Variants in PTK2 observed in about 807,000 individuals in gnomAD.
The protein encoded by PTK2 is focal adhesion kinase 1.
Under a neutral mutation model 150.1 loss-of-function variants are expected in PTK2, and 45 were observed. The observed-to-expected ratio is 0.30, with a 90% confidence interval of 0.24 to 0.38. PTK2 has a LOEUF of 0.38. Among genes scored for constraint, PTK2 ranks in the 10% least tolerant of loss-of-function variants. The pLI is 1.00. For synonymous variants in PTK2, 432 were observed against 449.2 expected, an observed-to-expected ratio of 0.96 and a Z score of 0.48; for missense variants, 919 against 1,307.3, an observed-to-expected ratio of 0.70 and a Z score of 4.58.
intron 1 of PTK2, among the ~76,000 whole-genome samples, chr8:140,946,166 CA>C: frequency 6.6e-6 from 1 of 152,096 alleles, no homozygotes. Context: ...GCCCTACTTA[CA>C]GAGCTGTCAG....
chr8:140,945,957 T>C (rs2100177556), intron 1 of PTK2, among the ~76,000 whole-genome samples: 2 of 152,214 alleles, frequency 1.3e-5, no homozygotes, highest in Admixed American at 1.3e-4. Context: ...CAGTATTTTC[T>C]ACTCACCTGT....
intron 10 of PTK2, among the ~76,000 whole-genome samples, chr8:140,809,511 C>T (rs968527663): frequency 3.3e-5 from 5 of 152,062 alleles, no homozygotes; most frequent in Admixed American, 6.6e-5. Flanking sequence ...GTGGATAGAT[C>T]GATTACTATT....
Position 140,692,519 on chromosome 8 carries a change from A to C in PTK2, c.2500-5825T>G, listed in dbSNP as rs373925311. On this transcript the variant is annotated intron_variant, in intron 26 of 31. Coordinates refer to ENST00000522684, the Ensembl canonical transcript of PTK2. Reference sequence around the variant, plus strand: ...GCAGTCCCAGCTAGTCGGGAGGCTGAAGCAGGAGAATCGCTTAAACCCGGG... The same window carrying C: ...GCAGTCCCAGCTAGTCGGGAGGCTGCAGCAGGAGAATCGCTTAAACCCGGG... Among the ~76,000 whole-genome samples, 39 of 152,326 alleles carry C rather than the reference A, an allele frequency of 2.6e-4. 1 individual carries two copies. The highest frequency in any genetic ancestry group is 9.1e-4 in the African/African-American group (38 of 41,578).
chr8:140,877,128 G>A (rs1355530807), intron 4 of PTK2, among the ~76,000 whole-genome samples: 1 of 144,614 alleles, frequency 6.9e-6, no homozygotes, highest in Non-Finnish European at 1.5e-5. Flanking sequence ...CGCCTCCCAG[G>A]TTCAAGCAAT....
Position 140,739,009 on chromosome 8 carries a change from A to G in PTK2, c.1825+9T>C, listed in dbSNP as rs1186515851. 4.7e-6 allele frequency: 7 copies of G among 1,500,012 alleles called. No homozygotes were observed. The highest frequency in any genetic ancestry group is 6.3e-6 in the Non-Finnish European group (7 of 1,116,502). The allele number at this position is 1,500,012 out of a possible 1,614,324, so 92.9% of individuals were successfully genotyped here. On this transcript the variant is annotated intron_variant, in intron 21 of 31. Transcript: ENST00000522684. ...TTTTAAAGAATACAAAACTTTTAAG[A>G]GTACTCACCAAACATCCATACGTCA...
chr8:140,993,179 G>C (rs1039375537), intron 1 of PTK2, among the ~76,000 whole-genome samples: 20 of 152,194 alleles, frequency 1.3e-4, no homozygotes, highest in Admixed American at 2.0e-4. Context: ...TTTAAATACA[G>C]TAGACAAAGG....
rs545127160 is a variant in PTK2 at position 140,953,202 on chromosome 8, T to G, written c.-121-27453A>C. 9.8e-5 allele frequency among the ~76,000 whole-genome samples: 15 copies of G among 152,286 alleles called. No individual in the cohort carries two copies. In the South Asian group the frequency reaches 2.9e-3, roughly 29 times the overall value. ...GGGATATGCTCCTAGTCCCCCCCAG[T>G]AGATGCCTGAAACTAGGGACAGTAC... On this transcript the variant is annotated intron_variant, in intron 1 of 31. Coordinates refer to ENST00000522684, the Ensembl canonical transcript of PTK2.
chr8:141,001,679 T>C (rs2100200301), upstream of PTK2, among the ~76,000 whole-genome samples: 3 of 151,986 alleles, frequency 2.0e-5, no homozygotes, highest in African/African-American at 7.3e-5. Flanking sequence ...AGGGGTCCCC[T>C]CTGGAGAACC....
At chr8:140,696,839 G>A (rs768556369) in intron 26 of PTK2, among the ~76,000 whole-genome samples, 17 of 152,094 alleles carry the variant, frequency 1.1e-4, no homozygotes, top group Non-Finnish European at 1.9e-4. Flanking sequence ...GGAAAGACAT[G>A]GTCCATGGTC....
intron 16 of PTK2, among the ~76,000 whole-genome samples, chr8:140,756,544 A>G (rs950524750): frequency 4.0e-5 from 6 of 148,948 alleles, no homozygotes; most frequent in African/African-American, 1.5e-4. Flanking sequence ...CTAAAAATAC[A>G]AAATTAGCCG....
chr8:140,763,588 C>T (rs2100070548), intron 15 of PTK2, among the ~76,000 whole-genome samples: 1 of 151,882 alleles, frequency 6.6e-6, no homozygotes, highest in Admixed American at 6.6e-5. Context: ...CAACATGAGA[C>T]CTGGGGCTTC....
chr8:140,793,414 G>C, intron 12 of PTK2, 30 bp from the exon 13 acceptor site: 5 of 1,604,468 alleles, frequency 3.1e-6, no homozygotes, highest in Non-Finnish European at 4.2e-6. Flanking sequence ...AGATGCATAA[G>C]GCTCTTTTCA....
chr8:140,704,030 A>C (rs1454946837), intron 24 of PTK2, among the ~76,000 whole-genome samples: 1 of 152,236 alleles, frequency 6.6e-6, no homozygotes, highest in Admixed American at 6.5e-5. Context: ...ATCTTCAAGT[A>C]AGACATATAG....
exon 19 of PTK2, chr8:140,744,745 C>T (rs2100057703): frequency 6.3e-7 from 1 of 1,591,378 alleles, no homozygotes; most frequent in Non-Finnish European, 8.6e-7. Context: ...ACTGTATTTC[C>T]TTACTTGCAA....
intron 1 of PTK2, among the ~76,000 whole-genome samples, chr8:141,000,365 G>C (rs529441802): frequency 1.6e-4 from 25 of 152,332 alleles, no homozygotes; most frequent in African/African-American, 6.0e-4. Context: ...GGCGGGCTTG[G>C]GGCTCGGGCA....
intron 8 of PTK2, among the ~76,000 whole-genome samples, chr8:140,827,992 C>T (rs1416819468): frequency 1.3e-5 from 2 of 152,018 alleles, no homozygotes; most frequent in African/African-American, 4.8e-5. Context: ...CACAGTGAAA[C>T]CCCATCTCTA....
At chr8:140,846,575 C>T (rs897144788) in intron 6 of PTK2, 24 bp downstream of exon 6, 87 of 1,527,366 alleles carry the variant, frequency 5.7e-5, no homozygotes, top group Non-Finnish European at 7.4e-5. Flanking sequence ...AAATAAAGGC[C>T]GCAATGTATA....
intron 12 of PTK2, among the ~76,000 whole-genome samples, chr8:140,796,777 T>C (rs1464698514): frequency 6.6e-6 from 1 of 152,232 alleles, no homozygotes; most frequent in South Asian, 2.1e-4. Context: ...TTTGTTCAAA[T>C]GTACTTCCAT....
At position 140,746,245 on chromosome 8, in the gene PTK2, C is replaced by T. The variant is rs528874717; in HGVS notation, c.1518+515G>A. ...AACTCGGGAAGTTGAGGTGGGAGAT[C>T]GCTTGAGCCCAGGAGGTCGAGGCTG... On this transcript the variant is annotated intron_variant, in intron 18 of 31. Transcript: ENST00000522684. Among the ~76,000 whole-genome samples the T allele has an allele frequency of 1.0e-3, 152 of 152,116 alleles. 1 individual carries two copies. The highest frequency in any genetic ancestry group is 1.7e-3 in the Non-Finnish European group (117 of 67,988).
Sources: gnomAD v4.1 joint callset for allele counts (sites outside exome capture counted in the v4.1 genomes callset) on GRCh38, gnomAD v4.1.1 for gene constraint, MANE v1.5 for transcripts, NCBI Gene and HGNC (gene_info 2026-07-23, HGNC 2026-07-21) for gene names.